Variants in PCDHGA3 observed in about 807,000 individuals in gnomAD.
PCDHGA3 encodes protocadherin gamma subfamily A, 3.
In PCDHGA3, 40 loss-of-function variants were observed where a neutral mutation model predicts 58.5. That is an observed-to-expected ratio of 0.68 (90% CI 0.53 to 0.89). The LOEUF (loss-of-function observed/expected upper bound fraction) is 0.89. Among genes scored for constraint, PCDHGA3 ranks in the 40% least tolerant of loss-of-function variants. PCDHGA3 has a pLI of 0.00. For missense variants in PCDHGA3, 1,223 were observed against 1,195.9 expected (o/e 1.02, Z -0.33); for synonymous variants, 530 against 525.7 (o/e 1.01, Z -0.11).
rs201006002 is a variant in PCDHGA3, at chr5:141,432,497, C to G, written c.2425-62310C>G. Reference sequence around the variant, plus strand: ...TTCCACTGGCGTGGAGCTGGCTCCCCGCTCCGCAGAGCCCGGCTACCTGGT... The same window carrying G: ...TTCCACTGGCGTGGAGCTGGCTCCCGGCTCCGCAGAGCCCGGCTACCTGGT... On this transcript the variant is annotated intron_variant, in intron 1 of 3. Transcript: ENST00000253812. This position sits in a 1 kb window ranked among gnomAD's most constrained non-coding sequence, Gnocchi z 6.0. The G allele has an allele frequency of 1.1e-5, 18 of 1,614,182 alleles. No homozygotes were observed. In the East Asian group the frequency reaches 4.0e-4, roughly 36 times the overall value.
chr5:141,428,238 G>A lies in PCDHGA3; in HGVS notation c.2425-66569G>A, dbSNP rs775703660. On this transcript the variant is annotated intron_variant, in intron 1 of 3. Transcript: ENST00000253812. ...TAGTCTTCGCAGACAGCCTGCAGGA[G>A]GCACTGCCAGACTTCAGTGACAGTC... 1.0e-5 allele frequency: 10 copies of A among 998,180 alleles called. No individual in the cohort carries two copies. The South Asian group carries it at 1.3e-4, about 13-fold the overall frequency. The allele number at this position is 998,180 out of a possible 1,614,324, so 61.8% of individuals were successfully genotyped here. A position where few individuals can be genotyped will look rare whatever the true frequency, so the allele number is the denominator to read the frequency against.
chr5:141,438,231 TG>T (rs987686126), intron 1 of PCDHGA3, among the ~76,000 whole-genome samples: 1 of 152,082 alleles, frequency 6.6e-6, no homozygotes, highest in African/African-American at 2.4e-5. Context: ...TTCAGGAAAA[TG>T]TTTTTAAAAA....
Position 141,489,331 on chromosome 5 carries a change from C to G in PCDHGA3, c.2425-5476C>G. ...CTGCTGGGGCTGGGTGTCTGGGCAG[C>G]TTCGTTACTCAGTGGTGGAGGAGTC... On this transcript the variant is annotated intron_variant, in intron 1 of 3. Coordinates refer to ENST00000253812, the MANE Select transcript of PCDHGA3 (RefSeq NM_018916.4). The surrounding 1 kb of genome is among the most constrained non-coding windows in gnomAD (Gnocchi z 4.5). 1 of 1,605,478 alleles carries G rather than the reference C, an allele frequency of 6.2e-7. No homozygotes were observed. Among genetic ancestry groups the G allele is most frequent in the Non-Finnish European group, 8.5e-7 (1 of 1,174,878 alleles).
chr5:141,403,992 T>G, intron 1 of PCDHGA3: 2 of 1,613,848 alleles, frequency 1.2e-6, no homozygotes, highest in South Asian at 2.2e-5. Flanking sequence ...AGACCTGAAG[T>G]GACCATTACA....
rs200931939 is a variant in PCDHGA3, at chr5:141,423,096, C to T, written c.2425-71711C>T. On this transcript the variant is annotated intron_variant, in intron 1 of 3. Transcript: ENST00000253812. Reference sequence around the variant, plus strand: ...CGGGACTCTTCGCGGTGGGGGAGCACACGGGCGAGGTGCGTACAGCGCGGG... The same window carrying T: ...CGGGACTCTTCGCGGTGGGGGAGCATACGGGCGAGGTGCGTACAGCGCGGG... The T allele has an allele frequency of 3.8e-5, 61 of 1,613,974 alleles. No individual in the cohort carries two copies. In the East Asian group the frequency reaches 1.3e-3, roughly 35 times the overall value.
intron 1 of PCDHGA3, among the ~76,000 whole-genome samples, chr5:141,407,609 TG>T (rs2094960291): frequency 1.3e-5 from 2 of 152,162 alleles, no homozygotes; most frequent in Admixed American, 1.3e-4. Flanking sequence ...AAAGAAGCAT[TG>T]GTTGACATTC....
At position 141,432,730 on chromosome 5, in the gene PCDHGA3, T is replaced by A; in HGVS notation, c.2425-62077T>A. 6.2e-7 allele frequency: 1 copy of A among 1,614,052 alleles called. No homozygotes were observed. Among genetic ancestry groups the A allele is most frequent in the Non-Finnish European group, 8.5e-7 (1 of 1,179,976 alleles). Reference sequence around the variant, plus strand: ...ACGGCCAGCCCCCTCTCTCCGCCACTGTCACGCTCACCGTGGCCGTGGCCG... The same window carrying A: ...ACGGCCAGCCCCCTCTCTCCGCCACAGTCACGCTCACCGTGGCCGTGGCCG... On this transcript the variant is annotated intron_variant, in intron 1 of 3. Transcript: ENST00000253812. The surrounding 1 kb of genome is among the most constrained non-coding windows in gnomAD (Gnocchi z 6.0).
At chr5:141,404,167 G>A (rs2094493296) in intron 1 of PCDHGA3, 1 of 1,612,946 alleles carries the variant, frequency 6.2e-7, no homozygotes, top group South Asian at 1.1e-5. Flanking sequence ...ACAGATTGTT[G>A]ACGGCCCAAA....
At chr5:141,365,469 G>T (rs1162637484) in intron 1 of PCDHGA3, 1 of 1,614,010 alleles carries the variant, frequency 6.2e-7, no homozygotes, top group South Asian at 1.1e-5. Flanking sequence ...GGAGAAAATG[G>T]TGAGATTGCA....
chr5:141,371,310 G>A, intron 1 of PCDHGA3: 2 of 1,613,992 alleles, frequency 1.2e-6, no homozygotes, highest in Non-Finnish European at 1.7e-6. Flanking sequence ...CACTATTGGA[G>A]AACTGGACTT....
chr5:141,505,589 C>T, intron 3 of PCDHGA3, 108 bp downstream of exon 3: 1 of 1,573,272 alleles, frequency 6.4e-7, no homozygotes, highest in Non-Finnish European at 8.6e-7. Context: ...GTAGTTTCTC[C>T]AGATCTTTCG....
chr5:141,366,139 G>GCTGT, intron 1 of PCDHGA3: 1 of 1,614,184 alleles, frequency 6.2e-7, no homozygotes, highest in East Asian at 2.2e-5. Context: ...AGAACGCCTG[G>GCTGT]CTGTCCTACC....
chr5:141,375,179 A>G (rs2150054707), intron 1 of PCDHGA3: 4 of 1,613,972 alleles, frequency 2.5e-6, no homozygotes, highest in Middle Eastern at 1.6e-4. Context: ...AGGAACAGTA[A>G]TCGCCCTTTT....
intron 1 of PCDHGA3, among the ~76,000 whole-genome samples, chr5:141,460,801 ATATGTATG>A (rs2098998171): frequency 6.6e-6 from 1 of 152,010 alleles, no homozygotes; most frequent in Non-Finnish European, 1.5e-5. Context: ...CAAAGTATAT[ATATGTATG>A]TATACATATA....
At chr5:141,468,697 T>A (rs2099174099) in intron 1 of PCDHGA3, 1 of 151,646 alleles carries the variant, frequency 6.6e-6, no homozygotes, top group Non-Finnish European at 1.5e-5. Context: ...AAACCCCGTC[T>A]CTACTAAAAA....
chr5:141,512,866 AC>A lies in PCDHGA3; in HGVS notation c.*1694del. Reference sequence around the variant, plus strand: ...TATAAGCGCTTCTCTTCGCATAGTCACGTAGCTCCCACCCCACCCTCTTCCT... The same window carrying A: ...TATAAGCGCTTCTCTTCGCATAGTCAGTAGCTCCCACCCCACCCTCTTCCT... On this transcript the variant is annotated 3_prime_UTR_variant, in exon 4 of 4. Transcript: ENST00000253812. 1 of 152,098 alleles carries A rather than the reference AC, an allele frequency of 6.6e-6. No homozygotes were observed. Among genetic ancestry groups the A allele is most frequent in the Non-Finnish European group, 1.5e-5 (1 of 68,034 alleles). 9.4% of individuals were successfully genotyped at this position (152,098 alleles called of 1,614,324 possible).
intron 1 of PCDHGA3, chr5:141,383,876 G>A (rs747987128): frequency 3.7e-6 from 6 of 1,613,860 alleles, no homozygotes; most frequent in African/African-American, 1.3e-5. Context: ...GATGGTCCTG[G>A]TAGTCTGACA....
intron 1 of PCDHGA3, chr5:141,390,193 A>G (rs1189352664): frequency 6.2e-7 from 1 of 1,614,060 alleles, no homozygotes; most frequent in African/African-American, 1.3e-5. Context: ...TGTAGTGAGC[A>G]GTTGAGTTCA....
At chr5:141,404,752 G>A (rs774409689) in intron 1 of PCDHGA3, 1 of 1,614,010 alleles carries the variant, frequency 6.2e-7, no homozygotes, top group Non-Finnish European at 8.5e-7. Context: ...ACTCAGGCCA[G>A]AATGCTTGGC....
Sources: allele counts gnomAD v4.1 joint callset (sites outside exome capture counted in the v4.1 genomes callset), GRCh38; gene constraint gnomAD v4.1.1; non-coding constraint Gnocchi (gnomAD v3.1); transcripts MANE v1.5; gene names NCBI Gene and HGNC (gene_info 2026-07-23, HGNC 2026-07-21).